The following HAUS8 variants were observed in gnomAD, a reference collection of about 807,000 sequenced individuals.
The protein encoded by HAUS8 is HAUS augmin like complex subunit 8.
HAUS8 carries 38 observed loss-of-function variants against 42.9 expected under a neutral mutation model. That is an observed-to-expected ratio of 0.89 (90% CI 0.68 to 1.16). The LOEUF is 1.16. Ranked by LOEUF, HAUS8 falls within the 50% of genes most tolerant of loss-of-function variation. HAUS8 has a pLI of 0.00. For synonymous variants in HAUS8, 199 were observed against 205.8 expected (o/e 0.97, Z 0.28); for missense variants, 494 against 511.6 (o/e 0.97, Z 0.33).
At chr19:17,075,248 G>A (rs1005048726) in intron 1 of HAUS8, 146 bp downstream of exon 1, 13 of 830,634 alleles carry the variant, frequency 1.6e-5, no homozygotes, top group African/African-American at 1.4e-4. Context: ...GAGGCAGCAC[G>A]CCATCGGGGT....
chr19:17,071,992 AT>A (rs1198119916), intron 2 of HAUS8, among the ~76,000 whole-genome samples: 1 of 152,218 alleles, frequency 6.6e-6, no homozygotes, highest in Admixed American at 6.5e-5. Context: ...TCTCAAAAAA[AT>A]AAATACAAAT....
At chr19:17,059,873 T>C in intron 5 of HAUS8, 124 bp downstream of exon 5, 1 of 747,162 alleles carries the variant, frequency 1.3e-6, no homozygotes, top group Non-Finnish European at 2.3e-6. Flanking sequence ...TGATGTACAA[T>C]ATTTTCAACT....
At chr19:17,056,726 G>A (rs1169143472) in intron 8 of HAUS8, among the ~76,000 whole-genome samples, 2 of 152,190 alleles carry the variant, frequency 1.3e-5, no homozygotes, top group East Asian at 3.9e-4. Flanking sequence ...AAGTAGCTGG[G>A]TTACAGGCAC....
chr19:17,052,772 CAGCCCTG>C, intron 10 of HAUS8, 46 bp downstream of exon 10: 2 of 1,605,348 alleles, frequency 1.2e-6, no homozygotes, highest in Non-Finnish European at 1.7e-6. Flanking sequence ...CAGCCACCAA[CAGCCCTG>C]AGCAAACAGG....
intron 8 of HAUS8, 41 bp from the exon 9 acceptor site, chr19:17,056,043 CCT>C (rs770339814): frequency 1.9e-6 from 3 of 1,606,038 alleles, no homozygotes; most frequent in African/African-American, 1.3e-5. Context: ...CCTGGAGTCC[CCT>C]CTCTGGAAAC....
intron 3 of HAUS8, among the ~76,000 whole-genome samples, chr19:17,063,033 C>T (rs2057369975): frequency 6.6e-6 from 1 of 152,166 alleles, no homozygotes; most frequent in Non-Finnish European, 1.5e-5. Flanking sequence ...TTACAGGTGA[C>T]TGATTTTTTT....
chr19:17,050,246 A>G (rs1599964833), intron 10 of HAUS8, 70 bp from the exon 11 acceptor site: 1 of 1,228,822 alleles, frequency 8.1e-7, no homozygotes, highest in Admixed American at 3.5e-5. Flanking sequence ...TGGTGAACGG[A>G]GGGCTGCCAC....
chr19:17,055,144 ATATATATATATATAT>A (rs1217724086), intron 9 of HAUS8: 3 of 2,382 alleles, frequency 1.3e-3, no homozygotes, highest in Non-Finnish European at 2.2e-3. Flanking sequence ...AAAAAAAAAA[ATATATATATATATAT>A]ATATATATAT....
In HAUS8 at chr19:17,059,546, C is replaced by T. The variant is rs1599978257; in HGVS notation, c.420+11G>A. 1.3e-6 allele frequency: 2 copies of T among 1,599,804 alleles called. No homozygotes were observed. Among genetic ancestry groups the T allele is most frequent in the Non-Finnish European group, 1.7e-6 (2 of 1,167,486 alleles). ...CCCATCTGTGGCTGCCCTCTTCTTT[C>T]AGACACTTACCGGGCTCTTTTTCCG... On this transcript the variant is annotated intron_variant, in intron 6 of 10. Transcript: ENST00000253669.
rs759932663 is a variant in HAUS8, at chr19:17,059,620, T to C, written c.357A>G (p.Leu119=). 4.7e-5 allele frequency: 76 copies of C among 1,613,840 alleles called. No individual in the cohort carries two copies. Among genetic ancestry groups the C allele is most frequent in the Non-Finnish European group, 6.3e-5 (74 of 1,179,898 alleles). The change falls in exon 6 of 11, where the codon TTA becomes TTG. Residue 119 remains leucine (L), a synonymous_variant. Transcript: ENST00000253669. The part of the protein sequence containing the change: ...DKSIVKKTPQ[L]AKTISKKPES... Reference sequence around the variant, plus strand: ...CAGGTTTCTTTGATATTGTTTTTGCTAACTGTGGCGTCTTTTTGACGATGC... The same window carrying C: ...CAGGTTTCTTTGATATTGTTTTTGCCAACTGTGGCGTCTTTTTGACGATGC...
At position 17,052,918 on chromosome 19, in the gene HAUS8, A is replaced by C; in HGVS notation, c.836T>G (p.Leu279Arg). The C allele has an allele frequency of 6.2e-7, 1 of 1,614,156 alleles. No homozygotes were observed. The highest frequency in any genetic ancestry group is 1.3e-5 in the African/African-American group (1 of 75,032). Residue 279 changes from leucine to arginine, a missense_variant, in exon 10 of 11, where the codon CTT becomes CGT. Coordinates refer to ENST00000253669, the MANE Select transcript of HAUS8 (RefSeq NM_033417.2). ...LVTTQRLLGE[L>R]DVGDSEENVQ... Reference sequence around the variant, plus strand: ...ATTTTCTTCCGAATCACCAACATCAAGTTCTCCCAGGAGGCGCTGAGTGGT... The same window carrying C: ...ATTTTCTTCCGAATCACCAACATCACGTTCTCCCAGGAGGCGCTGAGTGGT...
chr19:17,062,513 C>A (rs149628193), intron 4 of HAUS8, among the ~76,000 whole-genome samples, 185 bp downstream of exon 4: 2 of 152,206 alleles, frequency 1.3e-5, no homozygotes, highest in African/African-American at 4.8e-5. Context: ...GAAATGATCT[C>A]CCCTTTGCTC....
In HAUS8 at chr19:17,058,895, C is replaced by A; in HGVS notation, c.421-19G>T. ...ATAAATCCTTAAGAAAAGAAAAAGACCCTCTCAATTCCTGATGAAGTGGTA... is the reference window on the plus strand; with the variant it reads ...ATAAATCCTTAAGAAAAGAAAAAGAACCTCTCAATTCCTGATGAAGTGGTA... On this transcript the variant is annotated intron_variant, in intron 6 of 10. Transcript: ENST00000253669. 6.3e-7 allele frequency: 1 copy of A among 1,596,392 alleles called. No individual in the cohort carries two copies. Among genetic ancestry groups the A allele is most frequent in the Non-Finnish European group, 8.6e-7 (1 of 1,169,502 alleles).
At chr19:17,059,749 C>A in intron 5 of HAUS8, 98 bp from the exon 6 acceptor site, 1 of 802,362 alleles carries the variant, frequency 1.2e-6, no homozygotes, top group Non-Finnish European at 2.1e-6. Context: ...GGGATGTAAC[C>A]CCATCATAAA....
intron 8 of HAUS8, 29 bp downstream of exon 8, chr19:17,058,520 C>T (rs1381267075): frequency 1.9e-6 from 3 of 1,553,260 alleles, no homozygotes; most frequent in Non-Finnish European, 1.7e-6. Context: ...GGAACACTCA[C>T]TGGTCACAGA....
intron 1 of HAUS8, 181 bp downstream of exon 1, chr19:17,075,213 G>A (rs1326998352): frequency 3.0e-6 from 2 of 668,164 alleles, no homozygotes; most frequent in East Asian, 2.8e-5. Flanking sequence ...GGCCGGTCGG[G>A]TGTCAGCGCT....
At chr19:17,068,987 C>G (rs553893463) in intron 3 of HAUS8, 44 bp downstream of exon 3, 4 of 1,583,796 alleles carry the variant, frequency 2.5e-6, no homozygotes, top group African/African-American at 2.7e-5. Context: ...TTGCTCAGAA[C>G]CTTGCTCAGA....
At chr19:17,069,120 T>C in intron 2 of HAUS8, 34 bp from the exon 3 acceptor site, 1 of 1,597,612 alleles carries the variant, frequency 6.3e-7, no homozygotes, top group African/African-American at 1.3e-5. Flanking sequence ...ACAACAAAAC[T>C]ACAAAGGACC....
At chr19:17,056,212 CAT>C (rs1208796352) in intron 8 of HAUS8, among the ~76,000 whole-genome samples, 1 of 152,214 alleles carries the variant, frequency 6.6e-6, no homozygotes, top group Non-Finnish European at 1.5e-5. Context: ...TTACTGAGAA[CAT>C]GTGTCTGCCA....
Sources: gnomAD v4.1 joint callset for allele counts (sites outside exome capture counted in the v4.1 genomes callset) on GRCh38, gnomAD v4.1.1 for gene constraint, MANE v1.5 for transcripts, NCBI Gene and HGNC (gene_info 2026-07-23, HGNC 2026-07-21) for gene names.